The following RGS6 variants were observed in gnomAD, a reference collection of about 807,000 sequenced individuals.
The protein encoded by RGS6 is regulator of G protein signaling 6, also known as regulator of G-protein signaling 6.
Under a neutral mutation model 78.5 loss-of-function variants are expected in RGS6, and 30 were observed. The ratio of observed to expected loss-of-function variants is 0.38; its 90% CI spans 0.29 to 0.52. The LOEUF is 0.52. RGS6 is among the 20% of genes least tolerant of loss of function. The pLI is 0.85. For synonymous variants in RGS6, 206 were observed against 206.0 expected, an observed-to-expected ratio of 1.00 and a Z score of 0.00; for missense variants, 495 against 609.7, an observed-to-expected ratio of 0.81 and a Z score of 1.98.
chr14:72,068,973 GTTTTA>G (rs1353632939), intron 2 of RGS6, among the ~76,000 whole-genome samples: 3 of 151,020 alleles, frequency 2.0e-5, no homozygotes. Context: ...TCTTTCTCTT[GTTTTA>G]TTTATTTTTT....
chr14:72,436,592 A>T (rs2094923032), intron 3 of RGS6, among the ~76,000 whole-genome samples: 2 of 152,214 alleles, frequency 1.3e-5, no homozygotes, highest in Admixed American at 1.3e-4. Context: ...GTGGGCAGAA[A>T]TGGGCTACTG....
chr14:72,413,880 A>G (rs923686569), intron 3 of RGS6, among the ~76,000 whole-genome samples: 3 of 152,186 alleles, frequency 2.0e-5, no homozygotes, highest in African/African-American at 7.2e-5. Context: ...TTTCTTTAAG[A>G]ATGTTGAATA....
At chr14:72,138,942 AAATGT>A (rs1403546827) in intron 2 of RGS6, among the ~76,000 whole-genome samples, 1 of 152,140 alleles carries the variant, frequency 6.6e-6, no homozygotes, top group African/African-American at 2.4e-5. Context: ...AGCGTACAAT[AAATGT>A]AATGTATTTG....
At chr14:72,454,744 C>G (rs2095586412) in intron 4 of RGS6, among the ~76,000 whole-genome samples, 166 bp downstream of exon 4, 1 of 152,198 alleles carries the variant, frequency 6.6e-6, no homozygotes, top group Non-Finnish European at 1.5e-5. Flanking sequence ...ATTTTCTCCA[C>G]TGAATATTTG....
chr14:72,541,493 G>A (rs888994945), intron 17 of RGS6: 42 of 1,535,672 alleles, frequency 2.7e-5, no homozygotes, highest in Middle Eastern at 1.7e-4. Flanking sequence ...CAAGGCCTGC[G>A]GGTGCCTGGT....
chr14:72,015,393 A>T (rs2086729936), intron 2 of RGS6, among the ~76,000 whole-genome samples: 1 of 152,246 alleles, frequency 6.6e-6, no homozygotes. Flanking sequence ...AACATTGGGG[A>T]TCAAATTTCA....
intron 2 of RGS6, among the ~76,000 whole-genome samples, chr14:72,196,972 T>A (rs2040319814): frequency 6.6e-6 from 1 of 152,232 alleles, no homozygotes; most frequent in Admixed American, 6.5e-5. Flanking sequence ...TGACCTCTTG[T>A]TGGACCAATG....
the RGS6 span, among the ~76,000 whole-genome samples, chr14:72,622,490 G>C: frequency 5.3e-5 from 8 of 152,242 alleles, no homozygotes; most frequent in African/African-American, 1.9e-4. Flanking sequence ...GTCAGAAACA[G>C]TGTTATTAAT....
intron 2 of RGS6, among the ~76,000 whole-genome samples, chr14:72,255,972 G>C (rs562832967): frequency 6.6e-6 from 1 of 152,056 alleles, no homozygotes; most frequent in Non-Finnish European, 1.5e-5. Context: ...TTCTTTGAAC[G>C]CATATTAAAT....
At chr14:72,593,489 A>C in the RGS6 span, among the ~76,000 whole-genome samples, 1 of 152,106 alleles carries the variant, frequency 6.6e-6, no homozygotes, top group South Asian at 2.1e-4. Context: ...GGTTCAAGCA[A>C]TTCTCCTGCC....
At chr14:72,108,050 T>C (rs2095670812) in intron 2 of RGS6, among the ~76,000 whole-genome samples, 1 of 152,206 alleles carries the variant, frequency 6.6e-6, no homozygotes, top group African/African-American at 2.4e-5. Flanking sequence ...TTGATGGTCA[T>C]CACCATTTTC....
intron 3 of RGS6, among the ~76,000 whole-genome samples, chr14:72,431,795 C>T (rs567185164): frequency 3.3e-5 from 5 of 152,150 alleles, no homozygotes; most frequent in Non-Finnish European, 5.9e-5. Flanking sequence ...GCCAAATTCT[C>T]GCTGGATCTC....
chr14:72,061,596 C>G (rs1417179455), intron 2 of RGS6, among the ~76,000 whole-genome samples: 1 of 151,556 alleles, frequency 6.6e-6, no homozygotes, highest in Non-Finnish European at 1.5e-5. Flanking sequence ...TTGACACTTT[C>G]AGATCACAAT....
chr14:72,376,552 T>G (rs553440077), intron 3 of RGS6, among the ~76,000 whole-genome samples: 1 of 152,244 alleles, frequency 6.6e-6, no homozygotes, highest in East Asian at 1.9e-4. Flanking sequence ...TTAGTCAAAT[T>G]GTCAAAAGTC....
rs17116029 is a variant in RGS6, at chr14:72,458,057, T to C, written c.236-214T>C. On this transcript the variant is annotated intron_variant, in intron 4 of 17. Transcript: ENST00000553525. ...GAGGAGGGGTTAAGCCATGTCAGAC[T>C]CTCAGAGGTGGGATTCAGACAAGTC... 0.011 allele frequency among the ~76,000 whole-genome samples: 1,642 copies of C among 152,246 alleles called. 56 individuals carry two copies. The highest frequency in any genetic ancestry group is 0.094 in the East Asian group (487 of 5,170).
intron 15 of RGS6, among the ~76,000 whole-genome samples, chr14:72,524,929 G>A (rs1019365673): frequency 2.0e-5 from 3 of 152,108 alleles, no homozygotes; most frequent in Non-Finnish European, 4.4e-5. Flanking sequence ...CTTCCTACTC[G>A]TCCCAGCCCC....
At chr14:72,388,339 C>G (rs1007828891) in intron 3 of RGS6, among the ~76,000 whole-genome samples, 1 of 152,182 alleles carries the variant, frequency 6.6e-6, no homozygotes, top group African/African-American at 2.4e-5. Context: ...CAAATATGTG[C>G]TGATGAGATC....
At chr14:72,043,182 C>A (rs1189040411) in intron 2 of RGS6, among the ~76,000 whole-genome samples, 1 of 151,822 alleles carries the variant, frequency 6.6e-6, no homozygotes, top group African/African-American at 2.4e-5. Context: ...AATATTTTCC[C>A]CTGATTCGTA....
intron 2 of RGS6, among the ~76,000 whole-genome samples, chr14:72,257,280 T>C (rs1334274237): frequency 6.6e-6 from 1 of 152,238 alleles, no homozygotes; most frequent in Non-Finnish European, 1.5e-5. Flanking sequence ...TAAAGCAGGC[T>C]CATTATTTCC....
Sources: gnomAD v4.1 joint callset for allele counts (sites outside exome capture counted in the v4.1 genomes callset) on GRCh38, gnomAD v4.1.1 for gene constraint, MANE v1.5 for transcripts, NCBI Gene and HGNC (gene_info 2026-07-23, HGNC 2026-07-21) for gene names.